The following TOPBP1 variants were observed in gnomAD, a reference collection of about 807,000 sequenced individuals.
TOPBP1 encodes DNA topoisomerase II binding protein 1, also known as DNA topoisomerase 2-binding protein 1.
Under a neutral mutation model 167.7 loss-of-function variants are expected in TOPBP1, and 28 were observed. That is an observed-to-expected ratio of 0.17 (90% CI 0.12 to 0.23). The LOEUF is 0.23. Ranked by LOEUF, TOPBP1 falls within the 10% of genes least tolerant of loss-of-function variation. TOPBP1 has a pLI of 1.00. For missense variants in TOPBP1, 1,554 were observed against 1,809.6 expected, an observed-to-expected ratio of 0.86 and a Z score of 2.56; for synonymous variants, 598 against 611.4, an observed-to-expected ratio of 0.98 and a Z score of 0.32.
intron 20 of TOPBP1, among the ~76,000 whole-genome samples, chr3:133,618,835 A>T (rs1229021746): frequency 6.6e-6 from 1 of 152,152 alleles, no homozygotes; most frequent in Non-Finnish European, 1.5e-5. Context: ...AACAGTAGTT[A>T]TATTTTTTAA....
intron 4 of TOPBP1, among the ~76,000 whole-genome samples, chr3:133,657,061 T>A (rs1431742907): frequency 6.6e-6 from 1 of 152,028 alleles, no homozygotes; most frequent in Non-Finnish European, 1.5e-5. Context: ...CCTATATTTA[T>A]CCCTTTCAAC....
intron 14 of TOPBP1, 109 bp from the exon 15 acceptor site, chr3:133,628,842 A>G: frequency 8.9e-7 from 1 of 1,118,752 alleles, no homozygotes. Flanking sequence ...GGGTAAAGAG[A>G]GAGAAGGGGG....
intron 4 of TOPBP1, 66 bp from the exon 5 acceptor site, chr3:133,656,923 A>G (rs1936495220): frequency 7.4e-7 from 1 of 1,351,048 alleles, no homozygotes; most frequent in South Asian, 2.0e-5. Context: ...TTTATACACT[A>G]TCTCATAAAT....
Position 133,644,210 on chromosome 3 carries a change from A to C in TOPBP1, c.1658T>G (p.Phe553Cys), listed in dbSNP as rs1348671359. 2.5e-6 allele frequency: 4 copies of C among 1,613,788 alleles called. No individual in the cohort carries two copies. The highest frequency in any genetic ancestry group is 3.4e-6 in the Non-Finnish European group (4 of 1,179,866). ...CAAAACAAGGAAACTCTTTTGGCTA[A>C]ATAAGCCTTCTTCAGTAATTGTAGA... ...DVSTITEEGL[F>C]SQKSFLVLGF... is the part of the protein sequence containing the mutation. The change falls in exon 11 of 28, where the codon TTT becomes TGT. Residue 553 changes from phenylalanine (F) to cysteine (C), a missense_variant. Physicochemically the swap from Phe to Cys is radical, Grantham distance 205 (BLOSUM62 -2). This residue lies in a region of TOPBP1 where 1,197 missense variants were observed against 1,351.5 expected (regional missense o/e 0.89). Transcript: ENST00000260810.
rs185903567 is a variant in TOPBP1, at chr3:133,601,130, C to T, written c.*120G>A. ...AAACTCAAGAAGGGTCATCATTATA[C>T]TCTGAAGCAGAATTCTTCAGGTACT... is the stretch of plus-strand genomic sequence containing the variant. On this transcript the variant is annotated 3_prime_UTR_variant, in exon 28 of 28. Coordinates refer to ENST00000260810, the MANE Select transcript of TOPBP1 (RefSeq NM_007027.4). 9.1e-5 allele frequency: 74 copies of T among 809,634 alleles called. No individual in the cohort carries two copies. The African/African-American group carries it at 9.8e-4, about 11-fold the overall frequency. 50.2% of individuals were successfully genotyped at this position (809,634 alleles called of 1,614,324 possible).
intron 18 of TOPBP1, 38 bp downstream of exon 18, chr3:133,623,273 G>GCTT: frequency 6.2e-7 from 1 of 1,612,726 alleles, no homozygotes; most frequent in Non-Finnish European, 8.5e-7. Flanking sequence ...TATACCTTTA[G>GCTT]CTTAAGAGGG....
At chr3:133,611,656 T>C (rs1010950647) in intron 24 of TOPBP1, among the ~76,000 whole-genome samples, 2 of 152,270 alleles carry the variant, frequency 1.3e-5, no homozygotes. Flanking sequence ...CTGCGAAGTT[T>C]CGTTGTTTGG....
Position 133,601,253 on chromosome 3 carries a change from G to A in TOPBP1, c.4566C>T (p.His1522=). The A allele has an allele frequency of 6.3e-7, 1 of 1,599,102 alleles. No homozygotes were observed. Among genetic ancestry groups the A allele is most frequent in the Non-Finnish European group, 8.5e-7 (1 of 1,176,084 alleles). Residue 1522 remains histidine (H), a synonymous_variant, in exon 28 of 28, where the codon CAC becomes CAT. Transcript: ENST00000260810. ...EKNKIKRPRV[H] ...GGTAACTAAAGGGTAGATGCGATTA[G>A]TGTACTCTAGGTCGTTTGATTTTAT...
Position 133,649,418 on chromosome 3 carries a change from A to G in TOPBP1, c.1469T>C (p.Leu490Pro). ...SEKHEQADEDLLSQYENGSST... is the reference protein window; with the variant it reads ...SEKHEQADEDPLSQYENGSST... ...GCTACCATTTTCATATTGAGAGAGC[A>G]GATCTTCATCAGCTTGCTCATGCTT... The change falls in exon 10 of 28, where the codon CTG (leucine) becomes CCG (proline). Residue 490 changes from leucine to proline, a missense_variant. Coordinates refer to ENST00000260810, the MANE Select transcript of TOPBP1 (RefSeq NM_007027.4). The G allele has an allele frequency of 6.2e-7, 1 of 1,613,748 alleles. No individual in the cohort carries two copies. The highest frequency in any genetic ancestry group is 8.5e-7 in the Non-Finnish European group (1 of 1,179,862).
intron 23 of TOPBP1, among the ~76,000 whole-genome samples, chr3:133,614,410 A>G (rs1934791066): frequency 6.6e-6 from 1 of 152,196 alleles, no homozygotes; most frequent in Admixed American, 6.5e-5. Flanking sequence ...TGCGACCCAG[A>G]CAACATAATA....
At position 133,613,238 on chromosome 3, in the gene TOPBP1, T is replaced by C. The variant is rs551218369; in HGVS notation, c.3872-686A>G. Among the ~76,000 whole-genome samples the C allele has an allele frequency of 1.2e-3, 189 of 152,216 alleles. 1 individual carries two copies. Among genetic ancestry groups the C allele is most frequent in the Non-Finnish European group, 2.4e-3 (163 of 68,032 alleles). ...TATTTCAGTATGCATCTCTAGAATA[T>C]ATGGAAATTTTCTTAAACAGCCATA... On this transcript the variant is annotated intron_variant, in intron 23 of 27. Coordinates refer to ENST00000260810, the MANE Select transcript of TOPBP1 (RefSeq NM_007027.4).
At chr3:133,622,506 G>T (rs1255708090) in intron 19 of TOPBP1, among the ~76,000 whole-genome samples, 1 of 148,884 alleles carries the variant, frequency 6.7e-6, no homozygotes, top group Non-Finnish European at 1.5e-5. Context: ...GTGTTTGTTT[G>T]TTTTTTTTTA....
intron 20 of TOPBP1, 79 bp from the exon 21 acceptor site, chr3:133,618,512 AGTT>A: frequency 7.1e-7 from 1 of 1,401,578 alleles, no homozygotes; most frequent in Admixed American, 1.9e-5. Flanking sequence ...AGACCATAAA[AGTT>A]GTGGCTCACC....
chr3:133,638,154 A>T lies in TOPBP1; in HGVS notation c.2242T>A (p.Leu748Met). The change falls in exon 14 of 28, where the codon TTG becomes ATG. Residue 748 changes from leucine to methionine, a missense_variant. Coordinates refer to ENST00000260810, the MANE Select transcript of TOPBP1 (RefSeq NM_007027.4). ...ATTCCATTTGTTATTTCTGTTTCCA[A>T]ACTTCGTTCTAGAGATTTAAAATGA... ...IENSTKEERS[L>M]ETEITNGINL... The T allele has an allele frequency of 6.2e-7, 1 of 1,612,858 alleles. No homozygotes were observed. The highest frequency in any genetic ancestry group is 1.1e-5 in the South Asian group (1 of 91,026).
In TOPBP1 at chr3:133,637,932, T is replaced by A; in HGVS notation, c.2464A>T (p.Thr822Ser). 2 of 1,613,964 alleles carry A rather than the reference T, an allele frequency of 1.2e-6. No homozygotes were observed. Among genetic ancestry groups the A allele is most frequent in the Non-Finnish European group, 1.7e-6 (2 of 1,179,860 alleles). ...LQKEPSLHLD[T>S]PSKFLSKDKL... ...TCCTTGGACAGGAATTTTGATGGTGTATCCAGGTGTAACGAGGGCTCCTTC... is the reference window on the plus strand; with the variant it reads ...TCCTTGGACAGGAATTTTGATGGTGAATCCAGGTGTAACGAGGGCTCCTTC... Residue 822 changes from threonine (T) to serine (S), a missense_variant, in exon 14 of 28, where the codon ACA (threonine) becomes TCA (serine). Physicochemically the swap from Thr to Ser is moderately conservative, Grantham distance 58 (BLOSUM62 1). Transcript: ENST00000260810.
chr3:133,639,950 A>G lies in TOPBP1; in HGVS notation c.2233+9T>C. The G allele has an allele frequency of 1.2e-6, 2 of 1,611,846 alleles. No homozygotes were observed. The highest frequency in any genetic ancestry group is 2.2e-5 in the South Asian group (2 of 90,934). On this transcript the variant is annotated intron_variant, in intron 13 of 27. Transcript: ENST00000260810. Reference sequence around the variant, plus strand: ...AATATATATAAAAGAACAGAATAAAAGTATTAACCTTCTTTAGTTGAATTT... The same window carrying G: ...AATATATATAAAAGAACAGAATAAAGGTATTAACCTTCTTTAGTTGAATTT...
chr3:133,644,461 G>T, intron 10 of TOPBP1, 98 bp from the exon 11 acceptor site: 1 of 1,171,528 alleles, frequency 8.5e-7, no homozygotes, highest in South Asian at 1.7e-5. Flanking sequence ...TGATAATTTT[G>T]ACCATACTTA....
At chr3:133,655,703 C>T (rs1936457671) in intron 5 of TOPBP1, among the ~76,000 whole-genome samples, 1 of 152,084 alleles carries the variant, frequency 6.6e-6, no homozygotes, top group Non-Finnish European at 1.5e-5. Context: ...TCTCTCAAAA[C>T]CATTTTAAGG....
chr3:133,605,047 A>C lies in TOPBP1; in HGVS notation c.4425+3488T>G, dbSNP rs922469609. ...AACCCCGTCTCTACCAAAAATACAAAAATTAGCTAAGACTGGTGGCGTGCG... is the reference window on the plus strand; with the variant it reads ...AACCCCGTCTCTACCAAAAATACAACAATTAGCTAAGACTGGTGGCGTGCG... On this transcript the variant is annotated intron_variant, in intron 27 of 27. Transcript: ENST00000260810. Among the ~76,000 whole-genome samples, 12 of 151,864 alleles carry C rather than the reference A, an allele frequency of 7.9e-5. 1 individual carries two copies. Among genetic ancestry groups the C allele is most frequent in the African/African-American group, 2.9e-4 (12 of 41,362 alleles).
Sources: allele counts gnomAD v4.1 joint callset (sites outside exome capture counted in the v4.1 genomes callset), GRCh38; gene constraint gnomAD v4.1.1; regional missense constraint gnomAD v4.1.1; transcripts MANE v1.5; gene names NCBI Gene and HGNC (gene_info 2026-07-23, HGNC 2026-07-21).